The following ACTR3C variants were observed in gnomAD, a reference collection of about 807,000 sequenced individuals.
ACTR3C encodes actin-related protein 3C.
ACTR3C carries 18 observed loss-of-function variants against 26.3 expected under a neutral mutation model. That is an observed-to-expected ratio of 0.68 (90% CI 0.47 to 1.01). ACTR3C has a LOEUF of 1.01. Among genes scored for constraint, ACTR3C ranks in the 50% least tolerant of loss-of-function variants. The pLI is 0.00. For synonymous variants in ACTR3C, 55 were observed against 94.5 expected (o/e 0.58, Z 2.42); for missense variants, 184 against 250.7 (o/e 0.73, Z 1.80).
chr7:150,104,789 G>A, the ACTR3C span, among the ~76,000 whole-genome samples: 2 of 152,026 alleles, frequency 1.3e-5, no homozygotes, highest in South Asian at 2.1e-4. Flanking sequence ...AGGTTTGGAA[G>A]CAGCAATGAT....
chr7:150,003,653 G>A, the ACTR3C span, among the ~76,000 whole-genome samples: 1 of 152,240 alleles, frequency 6.6e-6, no homozygotes, highest in East Asian at 1.9e-4. Flanking sequence ...TGTGGGGTTT[G>A]GAGTGTGTGT....
chr7:150,159,307 A>C, the ACTR3C span, among the ~76,000 whole-genome samples: 43 of 151,968 alleles, frequency 2.8e-4, no homozygotes, highest in African/African-American at 1.0e-3. Flanking sequence ...ATTTCAGGCC[A>C]CGCTGCCTCT....
chr7:149,927,051 A>G, the ACTR3C span, among the ~76,000 whole-genome samples: 7 of 146,830 alleles, frequency 4.8e-5, no homozygotes, highest in South Asian at 2.2e-4. Flanking sequence ...CTCCAGAACT[A>G]TGAGCCAAAT....
At chr7:149,986,829 C>T in the ACTR3C span, among the ~76,000 whole-genome samples, 266 of 145,666 alleles carry the variant, frequency 1.8e-3, no homozygotes, top group Non-Finnish European at 3.6e-3. Flanking sequence ...ACACTTCTAT[C>T]CAGAGCCAAA....
the ACTR3C span, among the ~76,000 whole-genome samples, chr7:150,018,581 G>A: frequency 6.7e-6 from 1 of 149,920 alleles, no homozygotes; most frequent in Non-Finnish European, 1.5e-5. Context: ...AAACACAGTT[G>A]CTATGGCAAC....
At chr7:150,198,501 A>G in the ACTR3C span, among the ~76,000 whole-genome samples, 306 of 118,528 alleles carry the variant, frequency 2.6e-3, 6 homozygotes, top group African/African-American at 0.01. Context: ...CCGCCGCCCC[A>G]TCTGGGATGT....
At chr7:150,113,201 G>T in the ACTR3C span, among the ~76,000 whole-genome samples, 3 of 149,432 alleles carry the variant, frequency 2.0e-5, no homozygotes, top group East Asian at 5.9e-4. Context: ...CAATTTCCCC[G>T]TCCAACGGAA....
the ACTR3C span, among the ~76,000 whole-genome samples, chr7:150,130,141 C>G: frequency 6.6e-4 from 100 of 152,218 alleles, no homozygotes; most frequent in African/African-American, 2.4e-3. Context: ...AAAAATGATC[C>G]TTGATCTTTA....
the ACTR3C span, among the ~76,000 whole-genome samples, chr7:150,015,014 C>T: frequency 2.0e-5 from 3 of 152,052 alleles, no homozygotes; most frequent in Admixed American, 6.5e-5. Context: ...CAAAACAACC[C>T]CTATGATACA....
the ACTR3C span, among the ~76,000 whole-genome samples, chr7:150,063,406 G>A: frequency 2.0e-5 from 3 of 151,354 alleles, no homozygotes; most frequent in African/African-American, 7.4e-5. Context: ...GAATACCAAT[G>A]GGGAAAGTAA....
the ACTR3C span, among the ~76,000 whole-genome samples, chr7:150,016,087 C>T: frequency 6.6e-6 from 1 of 152,008 alleles, no homozygotes; most frequent in East Asian, 1.9e-4. Context: ...ACCAAGCACA[C>T]TCATCCCCCA....
At chr7:150,277,795 T>A (rs1584905407) in intron 6 of ACTR3C, among the ~76,000 whole-genome samples, 1 of 152,172 alleles carries the variant, frequency 6.6e-6, no homozygotes, top group Non-Finnish European at 1.5e-5. Flanking sequence ...ACAGGCACTG[T>A]CCTGCCTCTG....
chr7:150,194,435 T>C, the ACTR3C span, among the ~76,000 whole-genome samples: 1 of 148,780 alleles, frequency 6.7e-6, no homozygotes, highest in Non-Finnish European at 1.5e-5. Context: ...TTTATTGTTT[T>C]TCTTTTAACC....
At chr7:150,267,910 G>A (rs898234180) in intron 6 of ACTR3C, among the ~76,000 whole-genome samples, 6 of 152,304 alleles carry the variant, frequency 3.9e-5, no homozygotes, top group East Asian at 1.9e-4. Flanking sequence ...TGATTATCAC[G>A]TTAAGTATGT....
At chr7:150,289,215 C>T (rs1179235254) in intron 4 of ACTR3C, among the ~76,000 whole-genome samples, 5 of 151,940 alleles carry the variant, frequency 3.3e-5, no homozygotes, top group Admixed American at 3.3e-4. Context: ...CACGCTGGTA[C>T]GCTGTACCAG....
chr7:150,034,545 C>G, the ACTR3C span, among the ~76,000 whole-genome samples: 6 of 151,714 alleles, frequency 4.0e-5, 1 homozygote, highest in South Asian at 1.3e-3. Flanking sequence ...TCTACAAAAT[C>G]CCACAGCTCC....
the ACTR3C span, among the ~76,000 whole-genome samples, chr7:150,141,839 T>C: frequency 6.6e-6 from 1 of 151,958 alleles, no homozygotes. Flanking sequence ...TGAGGGTTTT[T>C]TTAATGTCTG....
the ACTR3C span, among the ~76,000 whole-genome samples, chr7:150,014,088 C>A: frequency 6.6e-6 from 1 of 152,140 alleles, no homozygotes; most frequent in Admixed American, 6.5e-5. Flanking sequence ...AAATGAGGCC[C>A]ATGTAGCAGC....
At chr7:150,004,446 G>A in the ACTR3C span, 1 of 152,140 alleles carries the variant, frequency 6.6e-6, no homozygotes, top group African/African-American at 2.4e-5. Flanking sequence ...AATGAAATTA[G>A]AAGATTGCCA....
Sources: allele counts gnomAD v4.1 joint callset (sites outside exome capture counted in the v4.1 genomes callset), GRCh38; gene constraint gnomAD v4.1.1; transcripts MANE v1.5; gene names NCBI Gene and HGNC (gene_info 2026-07-23, HGNC 2026-07-21).